GRXCR1: variants seen among roughly 807,000 people sequenced by gnomAD.
The protein encoded by GRXCR1 is glutaredoxin domain-containing cysteine-rich protein 1.
GRXCR1 carries 27 observed loss-of-function variants against 27.3 expected under a neutral mutation model. The ratio of observed to expected loss-of-function variants is 0.99; its 90% CI spans 0.73 to 1.37. The LOEUF is 1.37. Among genes scored for constraint, GRXCR1 ranks in the 40% most tolerant of loss-of-function variants. GRXCR1 has a pLI of 0.00. For missense variants in GRXCR1, 379 were observed against 354.4 expected, an observed-to-expected ratio of 1.07 and a Z score of -0.56; for synonymous variants, 122 against 131.1, an observed-to-expected ratio of 0.93 and a Z score of 0.47.
intron 1 of GRXCR1, among the ~76,000 whole-genome samples, chr4:42,957,482 C>A (rs9992691): frequency 0.058 from 8,865 of 151,940 alleles, 507 homozygotes; most frequent in African/African-American, 0.15. Flanking sequence ...TTGGAAAGTT[C>A]TCTGTCTTTA....
chr4:42,894,822 A>T (rs1006278342), intron 1 of GRXCR1, among the ~76,000 whole-genome samples: 6 of 152,106 alleles, frequency 3.9e-5, no homozygotes, highest in Admixed American at 6.6e-5. Flanking sequence ...GTTTCTAGAG[A>T]TGTGATTATT....
At chr4:42,933,288 A>G (rs1034820887) in intron 1 of GRXCR1, among the ~76,000 whole-genome samples, 7 of 151,754 alleles carry the variant, frequency 4.6e-5, no homozygotes, top group Admixed American at 4.6e-4. Context: ...GGAAAAGGGG[A>G]CTCATGAGTC....
At chr4:42,977,411 C>T (rs1325653271) in intron 2 of GRXCR1, among the ~76,000 whole-genome samples, 1 of 151,878 alleles carries the variant, frequency 6.6e-6, no homozygotes, top group African/African-American at 2.4e-5. Flanking sequence ...ACCATAATGG[C>T]TATGTTAATT....
At chr4:43,019,790 A>G (rs569411305) in intron 2 of GRXCR1, among the ~76,000 whole-genome samples, 2 of 152,112 alleles carry the variant, frequency 1.3e-5, no homozygotes, top group African/African-American at 4.8e-5. Context: ...ATTTAATCTC[A>G]CTGAGGCTCA....
intron 1 of GRXCR1, among the ~76,000 whole-genome samples, chr4:42,914,489 C>T (rs1036283846): frequency 6.6e-6 from 1 of 152,184 alleles, no homozygotes; most frequent in Admixed American, 6.5e-5. Context: ...CTGTATTTAC[C>T]CAGCACCTGT....
intron 1 of GRXCR1, among the ~76,000 whole-genome samples, chr4:42,900,394 A>G (rs1023885648): frequency 2.0e-5 from 3 of 152,206 alleles, no homozygotes; most frequent in Non-Finnish European, 2.9e-5. Flanking sequence ...AGAACATTGC[A>G]TCAGGAGTGA....
chr4:43,025,973 C>T (rs1713245825), intron 3 of GRXCR1, among the ~76,000 whole-genome samples: 2 of 120,664 alleles, frequency 1.7e-5, no homozygotes, highest in Admixed American at 1.8e-4. Context: ...GAAACTCCGT[C>T]TCAAAAAAAA....
chr4:42,901,288 GCAA>G (rs1343739787), intron 1 of GRXCR1, among the ~76,000 whole-genome samples: 4 of 152,134 alleles, frequency 2.6e-5, no homozygotes, highest in African/African-American at 9.7e-5. Context: ...TTAAATCAGC[GCAA>G]ATCTATCTCT....
At chr4:42,972,476 G>C (rs1175124999) in intron 2 of GRXCR1, among the ~76,000 whole-genome samples, 2 of 152,132 alleles carry the variant, frequency 1.3e-5, no homozygotes, top group Non-Finnish European at 2.9e-5. Context: ...ACAAAAGCCA[G>C]ACTTTTAGAA....
rs940393303 is a variant in GRXCR1, at chr4:42,991,373, C to T, written c.627+28239C>T. The stretch of plus-strand genomic sequence containing the variant: ...AAATTTTTTTCTTACCATTCTTATG[C>T]CATTTTGTGCTTTGTGTTTTTCAAG... On this transcript the variant is annotated intron_variant, in intron 2 of 3. Coordinates refer to ENST00000399770, the MANE Select transcript of GRXCR1 (RefSeq NM_001080476.3). Among the ~76,000 whole-genome samples the T allele has an allele frequency of 2.6e-5, 4 of 151,472 alleles. No individual in the cohort carries two copies. The South Asian group carries it at 8.3e-4, about 32-fold the overall frequency.
intron 1 of GRXCR1, among the ~76,000 whole-genome samples, chr4:42,905,323 G>T (rs1444506968): frequency 6.6e-6 from 1 of 152,190 alleles, no homozygotes; most frequent in Non-Finnish European, 1.5e-5. Context: ...TGAAAGCCTT[G>T]CTTGCGCCTT....
intron 2 of GRXCR1, among the ~76,000 whole-genome samples, chr4:42,970,239 A>G (rs758115374): frequency 6.6e-6 from 1 of 152,120 alleles, no homozygotes. Flanking sequence ...GACACATGGT[A>G]CAAGCTGTCA....
At chr4:43,025,105 CT>C (rs200232014) in intron 3 of GRXCR1, among the ~76,000 whole-genome samples, 2,158 of 152,204 alleles carry the variant, frequency 0.014, 21 homozygotes, top group South Asian at 0.055. Context: ...TGGGGGTAAA[CT>C]TACATCTTGA....
intron 2 of GRXCR1, among the ~76,000 whole-genome samples, chr4:42,983,008 C>T (rs891643837): frequency 2.0e-5 from 3 of 152,012 alleles, no homozygotes; most frequent in Non-Finnish European, 4.4e-5. Flanking sequence ...TGTAGGTTGC[C>T]TGTTCACTCT....
chr4:42,932,872 T>A (rs538075653), intron 1 of GRXCR1, among the ~76,000 whole-genome samples: 2 of 151,576 alleles, frequency 1.3e-5, no homozygotes, highest in East Asian at 3.9e-4. Flanking sequence ...TACTCCTCCA[T>A]TGACCCTCAT....
At chr4:43,023,294 G>C (rs1713149788) in intron 3 of GRXCR1, among the ~76,000 whole-genome samples, 1 of 152,120 alleles carries the variant, frequency 6.6e-6, no homozygotes, top group South Asian at 2.1e-4. Context: ...ACCACTCCTG[G>C]TCCTCATAAT....
Position 42,951,884 on chromosome 4 carries a change from G to A in GRXCR1, c.385-11008G>A, listed in dbSNP as rs145854536. 1.3e-3 allele frequency among the ~76,000 whole-genome samples: 191 copies of A among 152,240 alleles called. 1 individual carries two copies. Among genetic ancestry groups the A allele is most frequent in the African/African-American group, 4.4e-3 (183 of 41,558 alleles). ...TAATAATCAGCGATTTTCTTTTGGT[G>A]TGGAAGATTTATTGGGTTCATTGTC... is the stretch of plus-strand genomic sequence containing the variant. On this transcript the variant is annotated intron_variant, in intron 1 of 3. Coordinates refer to ENST00000399770, the MANE Select transcript of GRXCR1 (RefSeq NM_001080476.3).
intron 1 of GRXCR1, among the ~76,000 whole-genome samples, chr4:42,952,668 G>A (rs1747912718): frequency 6.6e-6 from 1 of 152,106 alleles, no homozygotes; most frequent in Non-Finnish European, 1.5e-5. Context: ...ATACTCATAG[G>A]AGCAGAATGG....
intron 1 of GRXCR1, among the ~76,000 whole-genome samples, chr4:42,897,513 A>G (rs138335542): frequency 3.3e-5 from 5 of 152,112 alleles, no homozygotes; most frequent in Admixed American, 1.3e-4. Flanking sequence ...ACCTCCGTCT[A>G]TGTATGTACA....
Sources: gnomAD v4.1 joint callset for allele counts (sites outside exome capture counted in the v4.1 genomes callset) on GRCh38, gnomAD v4.1.1 for gene constraint, MANE v1.5 for transcripts, NCBI Gene and HGNC (gene_info 2026-07-23, HGNC 2026-07-21) for gene names.